Variants in SLA2 observed in about 807,000 individuals in gnomAD.
The protein encoded by SLA2 is Src like adaptor 2.
SLA2 carries 22 observed loss-of-function variants against 27.3 expected under a neutral mutation model. That is an observed-to-expected ratio of 0.81 (90% CI 0.58 to 1.15). The LOEUF (loss-of-function observed/expected upper bound fraction) is 1.15, where lower values mean the gene tolerates loss of function less well. Ranked by LOEUF, SLA2 falls within the 50% of genes most tolerant of loss-of-function variation. The pLI is 0.00. For synonymous variants in SLA2, 131 were observed against 137.8 expected, an observed-to-expected ratio of 0.95 and a Z score of 0.34; for missense variants, 304 against 322.2, an observed-to-expected ratio of 0.94 and a Z score of 0.43.
intron 5 of SLA2, among the ~76,000 whole-genome samples, chr20:36,623,559 A>C (rs4812383): frequency 0.13 from 19,238 of 152,244 alleles, 1,562 homozygotes; most frequent in Admixed American, 0.27. Context: ...CCCAGAGTCA[A>C]TATGCTTTGA....
intron 5 of SLA2, 52 bp downstream of exon 5, chr20:36,632,543 T>C (rs2039402893): frequency 6.9e-7 from 1 of 1,448,446 alleles, no homozygotes; most frequent in African/African-American, 1.4e-5. Flanking sequence ...TGTGGGCTCC[T>C]TTCTGAGACC....
Position 36,614,448 on chromosome 20 carries a change from GACCTCC to G in SLA2, c.533-17_533-12del, listed in dbSNP as rs1204409903. 3 of 1,598,654 alleles carry G rather than the reference GACCTCC, an allele frequency of 1.9e-6. No homozygotes were observed. The highest frequency in any genetic ancestry group is 2.6e-6 in the Non-Finnish European group (3 of 1,171,628). ...TGTCATCCGCCAGCTCTGAGGAAGA[GACCTCC>G]ATCCCTGACATGACTGACTCCACCC... On this transcript the variant is annotated splice_polypyrimidine_tract_variant and intron_variant, in intron 6 of 7. Transcript: ENST00000262866.
In SLA2 at chr20:36,616,332, CT is replaced by C. The variant is rs751722341; in HGVS notation, c.383-959del. On this transcript the variant is annotated intron_variant, in intron 5 of 7. Coordinates refer to ENST00000262866, the MANE Select transcript of SLA2 (RefSeq NM_032214.4). ...CATTTTTTTTTTTTATTTTAATTTT[CT>C]TTTTTTTTTTTTTTGGAGACAGAGT... Among the ~76,000 whole-genome samples the C allele has an allele frequency of 6.4e-3, 842 of 131,948 alleles. 3 individuals are homozygous for C. Among genetic ancestry groups the C allele is most frequent in the African/African-American group, 0.02 (704 of 35,730 alleles). 86.6% of individuals were successfully genotyped at this position (131,948 alleles called of 152,430 possible). A position where few individuals can be genotyped will look rare whatever the true frequency, so the allele number is the denominator to read the frequency against.
intron 2 of SLA2, among the ~76,000 whole-genome samples, chr20:36,637,743 C>T (rs2039466941): frequency 6.7e-6 from 1 of 149,942 alleles, no homozygotes; most frequent in African/African-American, 2.5e-5. Flanking sequence ...TCTCCTCCCT[C>T]AGCCTCCTGA....
intron 5 of SLA2, among the ~76,000 whole-genome samples, chr20:36,624,274 A>G (rs1288376903): frequency 6.6e-6 from 1 of 151,912 alleles, no homozygotes; most frequent in Non-Finnish European, 1.5e-5. Flanking sequence ...AATCAATCCC[A>G]AGTCCTCTCC....
rs72401143 is a variant in SLA2, at chr20:36,639,396, TACACAC to T, written c.91+1843_91+1848del. On this transcript the variant is annotated intron_variant, in intron 2 of 7. Coordinates refer to ENST00000262866, the MANE Select transcript of SLA2 (RefSeq NM_032214.4). ...GAGCCAGCTCCTCAAAAAAAATCTC[TACACAC>T]ACACACACACACACACACACACAAC... Among the ~76,000 whole-genome samples the T allele has an allele frequency of 4.8e-3, 700 of 146,848 alleles. 3 individuals are homozygous for T. Among genetic ancestry groups the T allele is most frequent in the African/African-American group, 0.015 (614 of 39,954 alleles).
intron 1 of SLA2, among the ~76,000 whole-genome samples, chr20:36,643,486 C>T (rs1600836202): frequency 6.6e-6 from 1 of 152,276 alleles, no homozygotes; most frequent in South Asian, 2.1e-4. Flanking sequence ...ACAGAGTGGG[C>T]TCATTCCTTG....
intron 5 of SLA2, among the ~76,000 whole-genome samples, chr20:36,618,844 T>G (rs887257363): frequency 7.4e-6 from 1 of 135,454 alleles, no homozygotes; most frequent in African/African-American, 2.8e-5. Context: ...GCAGCGGAGA[T>G]TGCAGTGAGC....
chr20:36,618,007 C>T (rs562039450), intron 5 of SLA2, among the ~76,000 whole-genome samples: 18 of 150,004 alleles, frequency 1.2e-4, no homozygotes, highest in African/African-American at 3.4e-4. Flanking sequence ...ATTAGCCGGG[C>T]GTGGTGGCGG....
chr20:36,633,256 T>C (rs1323695527), intron 4 of SLA2, among the ~76,000 whole-genome samples: 1 of 152,000 alleles, frequency 6.6e-6, no homozygotes, highest in Non-Finnish European at 1.5e-5. Flanking sequence ...CATGCTGCCA[T>C]CTCCTACGTG....
chr20:36,634,417 A>G, intron 3 of SLA2, 73 bp downstream of exon 3: 3 of 1,149,838 alleles, frequency 2.6e-6, no homozygotes, highest in Non-Finnish European at 3.8e-6. Flanking sequence ...CCAGACAGCT[A>G]GCGCTACAGG....
chr20:36,618,036 A>G (rs1423375239), intron 5 of SLA2, among the ~76,000 whole-genome samples: 1 of 148,708 alleles, frequency 6.7e-6, no homozygotes, highest in Non-Finnish European at 1.5e-5. Context: ...AGTCCCAGCT[A>G]CTCGGGAGGC....
chr20:36,616,785 A>G (rs2039217449), intron 5 of SLA2, among the ~76,000 whole-genome samples: 3 of 152,202 alleles, frequency 2.0e-5, no homozygotes. Context: ...GCCTGGCCAT[A>G]TAAGCACATT....
At chr20:36,615,705 A>G (rs2039202125) in intron 5 of SLA2, among the ~76,000 whole-genome samples, 1 of 152,146 alleles carries the variant, frequency 6.6e-6, no homozygotes, top group Non-Finnish European at 1.5e-5. Flanking sequence ...GATGCTGGCA[A>G]GGAAGTGGAG....
intron 1 of SLA2, among the ~76,000 whole-genome samples, chr20:36,643,009 A>G (rs1978284933): frequency 6.6e-6 from 1 of 152,156 alleles, no homozygotes. Context: ...CATGGGACCC[A>G]GCCTCCCTTG....
intron 4 of SLA2, 51 bp downstream of exon 4, chr20:36,633,492 G>A: frequency 6.8e-7 from 1 of 1,473,184 alleles, no homozygotes; most frequent in Non-Finnish European, 9.5e-7. Context: ...GAGTTCTTGT[G>A]GGAGGAGAAA....
chr20:36,639,330 C>T (rs1481016767), intron 2 of SLA2, among the ~76,000 whole-genome samples: 2 of 152,108 alleles, frequency 1.3e-5, no homozygotes, highest in South Asian at 4.1e-4. Context: ...GGTCTCCAGT[C>T]TGCCCTGCAG....
At chr20:36,629,443 C>A (rs1365718692) in intron 5 of SLA2, among the ~76,000 whole-genome samples, 1 of 148,466 alleles carries the variant, frequency 6.7e-6, no homozygotes, top group East Asian at 2.0e-4. Flanking sequence ...ACCAGCCTGG[C>A]CAACATGGCA....
chr20:36,614,171 G>A, intron 7 of SLA2, 134 bp downstream of exon 7: 2 of 1,504,220 alleles, frequency 1.3e-6, no homozygotes, highest in Non-Finnish European at 1.8e-6. Flanking sequence ...TCCAGGAGTT[G>A]AGTCAGTGCA....
Sources: allele counts gnomAD v4.1 joint callset (sites outside exome capture counted in the v4.1 genomes callset), GRCh38; gene constraint gnomAD v4.1.1; transcripts MANE v1.5; gene names NCBI Gene and HGNC (gene_info 2026-07-23, HGNC 2026-07-21).